Variants in MICAL3 observed in about 807,000 individuals in gnomAD.
MICAL3 encodes the protein microtubule associated monooxygenase, calponin and LIM domain containing 3.
A neutral mutation model predicts 207.4 loss-of-function variants in MICAL3; 62 were observed. That is an observed-to-expected ratio of 0.30 (90% CI 0.24 to 0.37). MICAL3 has a LOEUF of 0.37. Ranked by LOEUF, MICAL3 falls within the 10% of genes least tolerant of loss-of-function variation. MICAL3 has a pLI of 1.00. For synonymous variants in MICAL3, 1,077 were observed against 1,069.3 expected (o/e 1.01, Z -0.14); for missense variants, 2,368 against 2,635.6 (o/e 0.90, Z 2.22).
At chr22:17,956,295 G>A (rs1934610126) in intron 1 of MICAL3, among the ~76,000 whole-genome samples, 1 of 152,186 alleles carries the variant, frequency 6.6e-6, no homozygotes, top group Non-Finnish European at 1.5e-5. Context: ...AAAGGGGATG[G>A]GGAGAAGAGC....
intron 29 of MICAL3, among the ~76,000 whole-genome samples, chr22:17,807,416 T>G (rs2061999859): frequency 6.6e-6 from 1 of 152,218 alleles, no homozygotes. Context: ...TTGCTGTGCT[T>G]GTCTCACAGT....
At position 17,966,367 on chromosome 22, in the gene MICAL3, A is replaced by C. The variant is rs189460473; in HGVS notation, c.-75+57914T>G. Among the ~76,000 whole-genome samples the C allele has an allele frequency of 3.2e-3, 487 of 152,282 alleles. 1 individual carries two copies. Among genetic ancestry groups the C allele is most frequent in the Admixed American group, 5.0e-3 (76 of 15,300 alleles). On this transcript the variant is annotated intron_variant, in intron 1 of 31. Transcript: ENST00000441493. ...CTCCAGCCTTATTCCAGAACCCCGCAGAAGACCTGCCTTCTTCACAAAGCC... is the reference window on the plus strand; with the variant it reads ...CTCCAGCCTTATTCCAGAACCCCGCCGAAGACCTGCCTTCTTCACAAAGCC...
At chr22:17,967,491 C>CAT (rs1243773704) in intron 1 of MICAL3, among the ~76,000 whole-genome samples, 3 of 111,480 alleles carry the variant, frequency 2.7e-5, no homozygotes. Context: ...CACACACACA[C>CAT]ACCCACACAC....
At chr22:17,976,583 ATATATATT>A (rs1247657092) in intron 1 of MICAL3, among the ~76,000 whole-genome samples, 3 of 87,674 alleles carry the variant, frequency 3.4e-5, no homozygotes, top group South Asian at 3.4e-4. Flanking sequence ...ATATATATAT[ATATATATT>A]TTTTTTTTTT....
intron 29 of MICAL3, among the ~76,000 whole-genome samples, chr22:17,805,122 G>C (rs1443743507): frequency 6.6e-6 from 1 of 152,240 alleles, no homozygotes; most frequent in Non-Finnish European, 1.5e-5. Context: ...CCCCAAGTGA[G>C]ATGATGGCAG....
intron 19 of MICAL3, 190 bp downstream of exon 19, chr22:17,864,709 G>GC: frequency 6.2e-7 from 1 of 1,612,846 alleles, no homozygotes; most frequent in Non-Finnish European, 8.5e-7. Context: ...CAGCACCTCC[G>GC]ACAGGCCATA....
intron 22 of MICAL3, among the ~76,000 whole-genome samples, chr22:17,827,157 C>T (rs978273673): frequency 2.0e-5 from 3 of 152,110 alleles, no homozygotes; most frequent in African/African-American, 7.2e-5. Flanking sequence ...TGACACAGAC[C>T]GTCACACCTA....
At chr22:17,988,860 G>C (rs1312049305) in intron 1 of MICAL3, among the ~76,000 whole-genome samples, 2 of 152,164 alleles carry the variant, frequency 1.3e-5, no homozygotes, top group African/African-American at 4.8e-5. Context: ...ACAAATAAAA[G>C]CATTACTGGA....
intron 29 of MICAL3, among the ~76,000 whole-genome samples, chr22:17,808,610 C>T (rs454799): frequency 0.35 from 53,596 of 152,126 alleles, 10,084 homozygotes; most frequent in African/African-American, 0.49. Context: ...CTGAGTTTCA[C>T]TCTATGGGAA....
intron 1 of MICAL3, among the ~76,000 whole-genome samples, chr22:17,932,486 A>C (rs1237237198): frequency 6.6e-6 from 1 of 152,246 alleles, no homozygotes; most frequent in South Asian, 2.1e-4. Context: ...AGCACTAAAC[A>C]TGGAAAGAAA....
At chr22:17,885,782 G>C (rs2289718) in intron 16 of MICAL3, 96 bp downstream of exon 16, 1 of 1,293,906 alleles carries the variant, frequency 7.7e-7, no homozygotes. Flanking sequence ...CGAACGCTGG[G>C]GTCTGTGACA....
intron 11 of MICAL3, among the ~76,000 whole-genome samples, chr22:17,892,429 G>A (rs1291641701): frequency 6.6e-6 from 1 of 152,162 alleles, no homozygotes; most frequent in Non-Finnish European, 1.5e-5. Flanking sequence ...CTTACCGAGG[G>A]CAACTGAAGT....
Position 17,904,526 on chromosome 22 carries a change from A to C in MICAL3, c.472+106T>G. 3.5e-6 allele frequency: 3 copies of C among 850,162 alleles called. No individual in the cohort carries two copies. In the Admixed American group the frequency reaches 5.3e-5, roughly 15 times the overall value. The allele number at this position is 850,162 out of a possible 1,614,324, so 52.7% of individuals were successfully genotyped here. On this transcript the variant is annotated intron_variant, in intron 3 of 31. Transcript: ENST00000441493. ...AGAAAGACAGTAATGAGATTAGAAG[A>C]AATTGGGTGGCATATGAATTCCTCA...
rs137937176 is a variant in MICAL3, at chr22:17,899,175, A to C, written c.948+273T>G. On this transcript the variant is annotated intron_variant, in intron 7 of 31. Transcript: ENST00000441493. ...GAAGGAGTGCACAGAAATATTACTG[A>C]CAGAACACTGGCCACGTGTTGAGAA... is the stretch of plus-strand genomic sequence containing the variant. 1.4e-3 allele frequency: 688 copies of C among 491,748 alleles called. 3 individuals carry two copies. Among genetic ancestry groups the C allele is most frequent in the African/African-American group, 0.012 (617 of 51,522 alleles). 30.5% of individuals were successfully genotyped at this position (491,748 alleles called of 1,614,324 possible).
intron 1 of MICAL3, among the ~76,000 whole-genome samples, chr22:17,999,957 T>C (rs967667247): frequency 9.2e-5 from 14 of 152,194 alleles, no homozygotes; most frequent in African/African-American, 3.4e-4. Context: ...CAATCAAATA[T>C]GGAATGAACG....
At chr22:17,798,943 G>T (rs867529717) in intron 29 of MICAL3, among the ~76,000 whole-genome samples, 7 of 152,006 alleles carry the variant, frequency 4.6e-5, no homozygotes, top group African/African-American at 1.7e-4. Context: ...AAAGTGCTGG[G>T]ATTACAGGTG....
At position 17,817,999 on chromosome 22, in the gene MICAL3, C is replaced by G. The variant is rs778070978; in HGVS notation, c.4662G>C (p.Glu1554Asp). 6.2e-7 allele frequency: 1 copy of G among 1,612,272 alleles called. No individual in the cohort carries two copies. The highest frequency in any genetic ancestry group is 1.3e-5 in the African/African-American group (1 of 75,060). Residue 1554 changes from glutamate (E) to aspartate (D), a missense_variant, in exon 26 of 32, where the codon GAG (glutamate) becomes GAC (aspartate). This residue lies in a region of MICAL3 where 1,770 missense variants were observed against 1,863.2 expected (regional missense o/e 0.95). Transcript: ENST00000441493. ...TGGCCAGGGGCGGGTGGCGAGGCTTCTCGGGGCGCGGCCAGCAGGACGGGG... is the reference window on the plus strand; with the variant it reads ...TGGCCAGGGGCGGGTGGCGAGGCTTGTCGGGGCGCGGCCAGCAGGACGGGG... ...FTPPSCWPRPEKPRHPPLAKE... is the reference protein window; with the variant it reads ...FTPPSCWPRPDKPRHPPLAKE...
At chr22:18,018,061 A>G (rs935166008) in intron 1 of MICAL3, among the ~76,000 whole-genome samples, 1 of 150,988 alleles carries the variant, frequency 6.6e-6, no homozygotes, top group African/African-American at 2.4e-5. Context: ...TTTTTAATAG[A>G]GAAGGGGTTT....
rs1211095438 is a variant in MICAL3 at position 17,862,830 on chromosome 22, C to G, written c.2605+2069G>C. ...GGAGGGTAAGCCCCTCAGCCCTGAG[C>G]TCACTGGCCTTTGCCACCCAAGCTG... On this transcript the variant is annotated intron_variant, in intron 19 of 31. Transcript: ENST00000441493. 10 of 985,524 alleles carry G rather than the reference C, an allele frequency of 1.0e-5. No individual in the cohort carries two copies. The South Asian group carries it at 3.8e-4, about 37-fold the overall frequency. The allele number at this position is 985,524 out of a possible 1,614,324, so 61.0% of individuals were successfully genotyped here. A position where few individuals can be genotyped will look rare whatever the true frequency, so the allele number is the denominator to read the frequency against.
Sources: allele counts gnomAD v4.1 joint callset (sites outside exome capture counted in the v4.1 genomes callset), GRCh38; gene constraint gnomAD v4.1.1; regional missense constraint gnomAD v4.1.1; transcripts MANE v1.5; gene names NCBI Gene and HGNC (gene_info 2026-07-23, HGNC 2026-07-21).